The following KIF11 variants were observed in gnomAD, a reference collection of about 807,000 sequenced individuals.
KIF11 encodes kinesin family member 11, also known as kinesin-like protein KIF11.
In KIF11, 9 loss-of-function variants were observed where a neutral mutation model predicts 121.0. The observed-to-expected ratio is 0.07, with a 90% CI of 0.04 to 0.13. The LOEUF is 0.13. Among genes scored for constraint, KIF11 ranks in the 10% least tolerant of loss-of-function variants. KIF11 has a pLI of 1.00. For synonymous variants in KIF11, 408 were observed against 421.0 expected (o/e 0.97, Z 0.38); for missense variants, 846 against 1,217.5 (o/e 0.69, Z 4.54).
rs775351973 is a variant in KIF11 at position 92,613,182 on chromosome 10, A to G, written c.789+52A>G. 1.4e-6 allele frequency: 2 copies of G among 1,405,562 alleles called. No homozygotes were observed. Among genetic ancestry groups the G allele is most frequent in the South Asian group, 2.5e-5 (2 of 79,954 alleles). The allele number at this position is 1,405,562 out of a possible 1,614,324, so 87.1% of individuals were successfully genotyped here. On this transcript the variant is annotated intron_variant, in intron 7 of 21. Coordinates refer to ENST00000260731, the MANE Select transcript of KIF11 (RefSeq NM_004523.4). The surrounding 1 kb of genome is among the most constrained non-coding windows in gnomAD (Gnocchi z 4.2). ...TTCACTCTTAAACACCTTATAGAGC[A>G]GCTTGAAATTTTGTCCTTGAGACAA... is the stretch of plus-strand genomic sequence containing the variant.
At chr10:92,597,129 C>A in intron 1 of KIF11, 1 of 294,034 alleles carries the variant, frequency 3.4e-6, no homozygotes, top group Non-Finnish European at 6.8e-6. Context: ...TGCTTTGGCC[C>A]TTTGTGCAGT....
chr10:92,606,170 T>C (rs1241626874), intron 1 of KIF11, 95 bp from the exon 2 acceptor site: 1 of 1,212,926 alleles, frequency 8.2e-7, no homozygotes, highest in Non-Finnish European at 1.1e-6. Context: ...TGGTCAAAAT[T>C]TCGCATTTTT....
At chr10:92,644,388 T>C (rs1844898105) in intron 17 of KIF11, among the ~76,000 whole-genome samples, 1 of 152,186 alleles carries the variant, frequency 6.6e-6, no homozygotes, top group Non-Finnish European at 1.5e-5. Flanking sequence ...CAATCTCAGC[T>C]CACTGCAACC....
chr10:92,634,526 G>C (rs551358306), intron 14 of KIF11, among the ~76,000 whole-genome samples: 1 of 151,602 alleles, frequency 6.6e-6, no homozygotes, highest in Non-Finnish European at 1.5e-5. Context: ...CACCCACCTC[G>C]GCCTCCCAAA....
chr10:92,633,660 C>A lies in KIF11; in HGVS notation c.1740C>A (p.Thr580=). 1 of 1,607,780 alleles carries A rather than the reference C, an allele frequency of 6.2e-7. No homozygotes were observed. The highest frequency in any genetic ancestry group is 8.5e-7 in the Non-Finnish European group (1 of 1,175,438). Residue 580 remains threonine (T), a synonymous_variant, in exon 14 of 22, where the codon ACC becomes ACA. Transcript: ENST00000260731. The stretch of plus-strand genomic sequence containing the variant: ...CTTCCAGTGTCTCTGCATTAGATAC[C>A]ATTACTACAGTAGCACTTGGATCTC... ...LLSSSVSALD[T]ITTVALGSLT...
intron 19 of KIF11, 52 bp from the exon 20 acceptor site, chr10:92,649,783 A>G (rs896766229): frequency 2.2e-5 from 28 of 1,288,586 alleles, no homozygotes; most frequent in Non-Finnish European, 3.0e-5. Context: ...TTTTTTAAAA[A>G]TATTTACATC....
At chr10:92,628,748 C>T (rs1468409433) in intron 10 of KIF11, 60 bp from the exon 11 acceptor site, 18 of 859,902 alleles carry the variant, frequency 2.1e-5, no homozygotes, top group Non-Finnish European at 3.1e-5. Context: ...TGTTAGAATA[C>T]ATTTTATAGG....
intron 4 of KIF11, 83 bp downstream of exon 4, chr10:92,607,320 G>C: frequency 1.3e-6 from 1 of 748,630 alleles, no homozygotes; most frequent in South Asian, 1.6e-5. Context: ...CCTCTGTCTT[G>C]GAATAGAGAT....
intron 19 of KIF11, among the ~76,000 whole-genome samples, chr10:92,649,604 T>G (rs1844958412): frequency 6.6e-6 from 1 of 152,158 alleles, no homozygotes; most frequent in Non-Finnish European, 1.5e-5. Flanking sequence ...GATGGTAAAC[T>G]TCATGTTTTA....
intron 9 of KIF11, among the ~76,000 whole-genome samples, chr10:92,620,109 C>G (rs553912346): frequency 3.9e-5 from 5 of 129,808 alleles, no homozygotes; most frequent in Admixed American, 9.2e-5. Context: ...GAGACGGAGT[C>G]TCGCTCTGTT....
chr10:92,649,708 T>G, intron 19 of KIF11, 127 bp from the exon 20 acceptor site: 1 of 607,616 alleles, frequency 1.6e-6, no homozygotes, highest in East Asian at 2.8e-5. Context: ...GCAAGACTGA[T>G]CCTCATATAT....
chr10:92,636,668 AATT>A (rs950386152), intron 14 of KIF11, among the ~76,000 whole-genome samples: 86 of 152,046 alleles, frequency 5.7e-4, no homozygotes, highest in African/African-American at 2.0e-3. Context: ...AAAAAAGAGA[AATT>A]ATTATATTTA....
intron 1 of KIF11, among the ~76,000 whole-genome samples, chr10:92,600,977 A>G (rs1441404849): frequency 6.8e-6 from 1 of 148,146 alleles, no homozygotes; most frequent in Non-Finnish European, 1.5e-5. Flanking sequence ...TCTCTGCCTC[A>G]GCCTCCCAAG....
At chr10:92,637,753 C>A (rs1844822993) in intron 16 of KIF11, among the ~76,000 whole-genome samples, 1 of 152,090 alleles carries the variant, frequency 6.6e-6, no homozygotes, top group African/African-American at 2.4e-5. Context: ...CATCTAGAAC[C>A]CCATGCAGAA....
chr10:92,595,668 C>A (rs1844286202), intron 1 of KIF11, among the ~76,000 whole-genome samples: 1 of 152,064 alleles, frequency 6.6e-6, no homozygotes, highest in South Asian at 2.1e-4. Flanking sequence ...TACTACCATC[C>A]ATCTCCATAA....
intron 14 of KIF11, among the ~76,000 whole-genome samples, chr10:92,634,569 C>G (rs112060789): frequency 0.022 from 3,396 of 152,268 alleles, 55 homozygotes; most frequent in Non-Finnish European, 0.037. Flanking sequence ...CCACCGTGCC[C>G]GGCCGAGAGT....
Position 92,637,503 on chromosome 10 carries a change from C to A in KIF11, c.2118C>A (p.Asn706Lys), listed in dbSNP as rs961135047. The A allele has an allele frequency of 6.2e-7, 1 of 1,606,740 alleles. No homozygotes were observed. Among genetic ancestry groups the A allele is most frequent in the Non-Finnish European group, 8.5e-7 (1 of 1,178,460 alleles). The change falls in exon 16 of 22, where the codon AAC (asparagine) becomes AAA (lysine). Residue 706 changes from asparagine to lysine, a missense_variant. This residue lies in a region of KIF11 where 492 missense variants were observed against 603.4 expected (regional missense o/e 0.82). Transcript: ENST00000260731. ...SLVESQKQCG[N>K]LTEDLKTIKQ... ...TTGAGTCACAAAAGCAATGTGGAAA[C>A]CTAACTGAAGACCTGAAGACAATAA...
Position 92,654,107 on chromosome 10 carries a change from C to A in KIF11, c.*311C>A. On this transcript the variant is annotated 3_prime_UTR_variant, in exon 22 of 22. Coordinates refer to ENST00000260731, the MANE Select transcript of KIF11 (RefSeq NM_004523.4). ...ACGAGAATCACTTGAACCCAGGAAG[C>A]GGGGTTGCAGTGAGCCAAAGGTACA... is the stretch of plus-strand genomic sequence containing the variant. 4.7e-6 allele frequency: 1 copy of A among 214,406 alleles called. No homozygotes were observed. Among genetic ancestry groups the A allele is most frequent in the South Asian group, 8.2e-5 (1 of 12,226 alleles). 13.3% of individuals were successfully genotyped at this position (214,406 alleles called of 1,614,324 possible).
intron 8 of KIF11, among the ~76,000 whole-genome samples, chr10:92,615,532 A>G (rs577414973): frequency 6.6e-6 from 1 of 152,310 alleles, no homozygotes; most frequent in South Asian, 2.1e-4. Flanking sequence ...TAATTCTAGT[A>G]TATTTACAGA....
Sources: gnomAD v4.1 joint callset for allele counts (sites outside exome capture counted in the v4.1 genomes callset) on GRCh38, gnomAD v4.1.1 for gene constraint, gnomAD v4.1.1 regional missense constraint, Gnocchi (gnomAD v3.1) non-coding constraint, MANE v1.5 for transcripts, NCBI Gene and HGNC (gene_info 2026-07-23, HGNC 2026-07-21) for gene names.